CARS2: variants seen among roughly 807,000 people sequenced by gnomAD.
The protein encoded by CARS2 is probable cysteine--tRNA ligase, mitochondrial.
A neutral mutation model predicts 68.8 loss-of-function variants in CARS2; 52 were observed. That is an observed-to-expected ratio of 0.76 (90% CI 0.61 to 0.95). CARS2 has a LOEUF of 0.95. Ranked by LOEUF, CARS2 falls within the 40% of genes least tolerant of loss-of-function variation. The pLI is 0.00. For missense variants in CARS2, 780 were observed against 754.2 expected, an observed-to-expected ratio of 1.03 and a Z score of -0.40; for synonymous variants, 314 against 303.6, an observed-to-expected ratio of 1.03 and a Z score of -0.36.
intron 12 of CARS2, 146 bp from the exon 13 acceptor site, chr13:110,644,629 T>G: frequency 1.4e-6 from 2 of 1,386,944 alleles, no homozygotes; most frequent in Non-Finnish European, 1.9e-6. Flanking sequence ...GACACAGCTC[T>G]GGCATCGGCT....
intron 6 of CARS2, among the ~76,000 whole-genome samples, chr13:110,677,724 C>CTG (rs2063004451): frequency 2.2e-5 from 2 of 92,246 alleles, no homozygotes; most frequent in African/African-American, 7.1e-5. Context: ...GACAGCCACC[C>CTG]CGCCACGGAA....
chr13:110,659,491 G>C (rs991860192), intron 9 of CARS2, among the ~76,000 whole-genome samples: 1 of 130,062 alleles, frequency 7.7e-6, no homozygotes, highest in Non-Finnish European at 1.6e-5. Context: ...CTCAAGCCCA[G>C]ATCTCCTTTT....
rs754758725 is a variant in CARS2, at chr13:110,701,548, C to T, written c.283G>A (p.Val95Ile). 4.1e-6 allele frequency: 6 copies of T among 1,477,018 alleles called. No individual in the cohort carries two copies. Among genetic ancestry groups the T allele is most frequent in the Non-Finnish European group, 5.7e-6 (6 of 1,055,438 alleles). The allele number at this position is 1,477,018 out of a possible 1,614,324, so 91.5% of individuals were successfully genotyped here. ...ATCCTTCGAATGATATCAAATCTAACATATGAGCTGAAAGAAAAAAAGTGT... is the reference window on the plus strand; with the variant it reads ...ATCCTTCGAATGATATCAAATCTAATATATGAGCTGAAAGAAAAAAAGTGT... The part of the protein sequence containing the change: ...HAHLGHACSY[V>I]RFDIIRRILT... The change falls in exon 3 of 15, where the codon GTT becomes ATT. Residue 95 changes from valine to isoleucine, a missense_variant. Physicochemically the swap from Val to Ile is conservative, Grantham distance 29. Coordinates refer to ENST00000257347, the MANE Select transcript of CARS2 (RefSeq NM_024537.4).
intron 11 of CARS2, 23 bp downstream of exon 11, chr13:110,647,078 C>G (rs148620239): frequency 6.5e-7 from 1 of 1,546,852 alleles, no homozygotes; most frequent in Middle Eastern, 1.8e-4. Context: ...GGTGCCACGC[C>G]GGGTGCTAGG....
At chr13:110,692,160 T>G (rs370923787) in intron 3 of CARS2, among the ~76,000 whole-genome samples, 1 of 150,884 alleles carries the variant, frequency 6.6e-6, no homozygotes, top group African/African-American at 2.4e-5. Flanking sequence ...AAACCTTCTA[T>G]AGCTTTTAAA....
intron 3 of CARS2, chr13:110,697,923 T>G (rs138583587): frequency 2.9e-4 from 130 of 454,752 alleles, no homozygotes; most frequent in African/African-American, 2.5e-3. Context: ...GAGACCTCAG[T>G]GAAAATGTTC....
At position 110,664,627 on chromosome 13, in the gene CARS2, G is replaced by A. The variant is rs1566678016; in HGVS notation, c.920-1109C>T. The A allele has an allele frequency of 6.1e-6, 6 of 982,518 alleles. No individual in the cohort carries two copies. In the East Asian group the frequency reaches 3.4e-4, roughly 56 times the overall value. The allele number at this position is 982,518 out of a possible 1,614,324, so 60.9% of individuals were successfully genotyped here. A position where few individuals can be genotyped will look rare whatever the true frequency, so the allele number is the denominator to read the frequency against. On this transcript the variant is annotated intron_variant, in intron 8 of 14. Coordinates refer to ENST00000257347, the MANE Select transcript of CARS2 (RefSeq NM_024537.4). ...TATATAATGTGATTACACCAAGCAC[G>A]ATTCTGATTTTTTAAAATTGATGAT...
chr13:110,642,037 A>G (rs983376497), intron 14 of CARS2, among the ~76,000 whole-genome samples: 1 of 151,968 alleles, frequency 6.6e-6, no homozygotes, highest in African/African-American at 2.4e-5. Flanking sequence ...ACCTGTCTCT[A>G]CTAAAAATAA....
chr13:110,674,254 G>T (rs1468636540), intron 7 of CARS2, among the ~76,000 whole-genome samples: 2 of 152,060 alleles, frequency 1.3e-5, no homozygotes, highest in African/African-American at 2.4e-5. Context: ...AGCCTGCACT[G>T]CCAAGACAAT....
intron 10 of CARS2, chr13:110,648,236 AC>A (rs1384646228): frequency 6.6e-6 from 1 of 152,244 alleles, no homozygotes; most frequent in Admixed American, 6.5e-5. Context: ...CCAGAAACCC[AC>A]AAAGCGATCT....
chr13:110,696,218 C>T (rs1317381029), intron 3 of CARS2, among the ~76,000 whole-genome samples: 1 of 152,176 alleles, frequency 6.6e-6, no homozygotes, highest in Non-Finnish European at 1.5e-5. Context: ...GTGGACAGTG[C>T]TGCAATAAAC....
rs1361608564 is a variant in CARS2, at chr13:110,647,157, G to T, written c.1137C>A (p.Ala379=). 1 of 1,611,568 alleles carries T rather than the reference G, an allele frequency of 6.2e-7. No individual in the cohort carries two copies. Among genetic ancestry groups the T allele is most frequent in the East Asian group, 2.2e-5 (1 of 44,850 alleles). ...GLGSFLEDAR[A]YMKGQLACGS... Reference sequence around the variant, plus strand: ...CGCAGGCCAGCTGCCCCTTCATGTAGGCACGTGCGTCCTCCAGGAAAGAGC... The same window carrying T: ...CGCAGGCCAGCTGCCCCTTCATGTATGCACGTGCGTCCTCCAGGAAAGAGC... Residue 379 remains alanine (A), a synonymous_variant, in exon 11 of 15, where the codon GCC becomes GCA. Coordinates refer to ENST00000257347, the MANE Select transcript of CARS2 (RefSeq NM_024537.4).
intron 9 of CARS2, chr13:110,663,174 A>C (rs1033241038): frequency 7.1e-6 from 4 of 561,948 alleles, no homozygotes; most frequent in African/African-American, 3.8e-5. Flanking sequence ...TAAAAGGAAA[A>C]GGCAAGGAAG....
At position 110,682,408 on chromosome 13, in the gene CARS2, G is replaced by T. The variant is rs372527868; in HGVS notation, c.655+643C>A. 3.0e-4 allele frequency among the ~76,000 whole-genome samples: 45 copies of T among 152,332 alleles called. 2 individuals carry two copies. The highest frequency in any genetic ancestry group is 2.5e-3 in the East Asian group (13 of 5,180). ...GCGGGGGAAGGAAAGAACCTGAGGGGTCAGTGCTATGGATGGTTAGGATTC... is the reference window on the plus strand; with the variant it reads ...GCGGGGGAAGGAAAGAACCTGAGGGTTCAGTGCTATGGATGGTTAGGATTC... On this transcript the variant is annotated intron_variant, in intron 6 of 14. Coordinates refer to ENST00000257347, the MANE Select transcript of CARS2 (RefSeq NM_024537.4).
intron 7 of CARS2, among the ~76,000 whole-genome samples, chr13:110,673,296 C>A (rs880000114): frequency 6.6e-6 from 1 of 152,124 alleles, no homozygotes; most frequent in Non-Finnish European, 1.5e-5. Flanking sequence ...TGATGAACAT[C>A]GATGCAAAAA....
intron 7 of CARS2, among the ~76,000 whole-genome samples, chr13:110,673,164 T>G (rs9645874): frequency 0.53 from 79,814 of 151,842 alleles, 22,366 homozygotes; most frequent in Non-Finnish European, 0.64. Context: ...CCATTCCTTC[T>G]GAAATTATTA....
upstream of CARS2, among the ~76,000 whole-genome samples, chr13:110,709,792 A>G (rs1306121220): frequency 6.6e-6 from 1 of 152,152 alleles, no homozygotes; most frequent in Non-Finnish European, 1.5e-5. Context: ...AACCCTGACT[A>G]ATACACCATA....
chr13:110,645,845 CAGA>C, intron 12 of CARS2, 119 bp downstream of exon 12: 2 of 1,277,524 alleles, frequency 1.6e-6, no homozygotes, highest in South Asian at 2.9e-5. Flanking sequence ...AGTTCCTCCA[CAGA>C]AGCTGCGGGA....
At chr13:110,680,159 G>A (rs1014319383) in intron 6 of CARS2, among the ~76,000 whole-genome samples, 10 of 112,946 alleles carry the variant, frequency 8.9e-5, no homozygotes, top group South Asian at 5.8e-4. Flanking sequence ...GGGGGGGGGG[G>A]GGGGGGTGGA....
Sources: gnomAD v4.1 joint callset for allele counts (sites outside exome capture counted in the v4.1 genomes callset) on GRCh38, gnomAD v4.1.1 for gene constraint, MANE v1.5 for transcripts, NCBI Gene and HGNC (gene_info 2026-07-23, HGNC 2026-07-21) for gene names.